The following DENND3 variants were observed in gnomAD, a reference collection of about 807,000 sequenced individuals.
DENND3 encodes DENN domain-containing protein 3.
In DENND3, 88 loss-of-function variants were observed where a neutral mutation model predicts 135.1. That is an observed-to-expected ratio of 0.65 (90% CI 0.55 to 0.78). The LOEUF (loss-of-function observed/expected upper bound fraction) is 0.78, where lower values mean the gene tolerates loss of function less well. DENND3 is among the 30% of genes least tolerant of loss of function. The probability of loss-of-function intolerance (pLI) is 0.00; values close to 1 mark genes in which losing one functional copy is unlikely to be tolerated. For missense variants in DENND3, 1,392 were observed against 1,688.4 expected (o/e 0.82, Z 3.08); for synonymous variants, 693 against 712.3 (o/e 0.97, Z 0.43).
At chr8:141,189,825 G>A (rs1203903265) in intron 19 of DENND3, among the ~76,000 whole-genome samples, 1 of 152,202 alleles carries the variant, frequency 6.6e-6, no homozygotes, top group Non-Finnish European at 1.5e-5. Flanking sequence ...CTCGAGCCCA[G>A]CCCCGCCCAC....
Position 141,192,260 on chromosome 8 carries a change from C to T in DENND3, c.3380-71C>T, listed in dbSNP as rs575224085. On this transcript the variant is annotated intron_variant, in intron 20 of 22. Transcript: ENST00000519811. ...ACCACGCTGGAAAGAGCAGTGAGGC[C>T]GGCTCTGGTGCTGGCGTCTTATGTT... The T allele has an allele frequency of 2.8e-4, 449 of 1,577,986 alleles. 7 individuals carry two copies. The South Asian group carries it at 3.7e-3, about 13-fold the overall frequency.
At chr8:141,158,147 G>A in intron 8 of DENND3, 5 of 1,288,720 alleles carry the variant, frequency 3.9e-6, no homozygotes, top group Non-Finnish European at 5.1e-6. Context: ...GGCAAGGCTG[G>A]TTTCTGCTTG....
At position 141,151,720 on chromosome 8, in the gene DENND3, G is replaced by T. The variant is rs77142252; in HGVS notation, c.957G>T (p.Pro319=). 1.4e-4 allele frequency: 223 copies of T among 1,614,044 alleles called. No homozygotes were observed. Among genetic ancestry groups the T allele is most frequent in the Non-Finnish European group, 1.9e-4 (222 of 1,180,048 alleles). The change falls in exon 7 of 23, where the codon CCG becomes CCT. Residue 319 remains proline, a synonymous_variant. Transcript: ENST00000519811. ...VTECFMAYLY[P]LQWQHPFVPI... ...AGTGCTTCATGGCCTACCTGTATCC[G>T]CTGCAGTGGCAGCACCCCTTCGTGC...
intron 8 of DENND3, chr8:141,158,309 G>T: frequency 7.8e-7 from 1 of 1,277,452 alleles, no homozygotes; most frequent in Non-Finnish European, 1.0e-6. Context: ...CTGCTTCCTT[G>T]ACTTTTAGAG....
Position 141,189,007 on chromosome 8 carries a change from C to A in DENND3, c.3106C>A (p.Gln1036Lys), listed in dbSNP as rs1266482030. The A allele has an allele frequency of 6.2e-7, 1 of 1,613,904 alleles. No individual in the cohort carries two copies. The highest frequency in any genetic ancestry group is 1.1e-5 in the South Asian group (1 of 91,046). Residue 1036 changes from glutamine (Q) to lysine (K), a missense_variant, in exon 19 of 23, where the codon CAG becomes AAG. Gln to Lys is a moderately conservative substitution (Grantham distance 53, BLOSUM62 1). Coordinates refer to ENST00000519811, the MANE Select transcript of DENND3 (RefSeq NM_001352890.3). ...AKVNCMVMAD[Q>K]NQVWVGSEDS... ...TTAGAACTGCATGGTGATGGCCGACCAGAACCAGGTGTGGGTTGGCTCGGA... is the reference window on the plus strand; with the variant it reads ...TTAGAACTGCATGGTGATGGCCGACAAGAACCAGGTGTGGGTTGGCTCGGA...
chr8:141,175,752 T>A lies in DENND3; in HGVS notation c.2535+293T>A, dbSNP rs1272354837. On this transcript the variant is annotated intron_variant, in intron 14 of 22. Coordinates refer to ENST00000519811, the MANE Select transcript of DENND3 (RefSeq NM_001352890.3). The surrounding 1 kb of genome is among the most constrained non-coding windows in gnomAD (Gnocchi z 5.4). ...GGAGGCAGGAAGTAAGAATGTGGGCTGACATTCTCATTAGGGACAGTAGGA... is the reference window on the plus strand; with the variant it reads ...GGAGGCAGGAAGTAAGAATGTGGGCAGACATTCTCATTAGGGACAGTAGGA... 2 of 453,404 alleles carry A rather than the reference T, an allele frequency of 4.4e-6. No homozygotes were observed. The highest frequency in any genetic ancestry group is 8.2e-6 in the Non-Finnish European group (2 of 243,792). The allele number at this position is 453,404 out of a possible 1,614,324, so 28.1% of individuals were successfully genotyped here. A position where few individuals can be genotyped will look rare whatever the true frequency, so the allele number is the denominator to read the frequency against.
In DENND3 at chr8:141,185,216, G is replaced by A. The variant is rs1328813200; in HGVS notation, c.3022G>A (p.Val1008Met). Reference sequence around the variant, plus strand: ...TGCTCTGAGCGAAGGCAAGGTGACCGTGTTCAATGCTTCTTCATGGACCAT... The same window carrying A: ...TGCTCTGAGCGAAGGCAAGGTGACCATGTTCAATGCTTCTTCATGGACCAT... ...WCALSEGKVT[V>M]FNASSWTIHQ... The change falls in exon 18 of 23, where the codon GTG becomes ATG. Residue 1008 changes from valine to methionine, a missense_variant. Transcript: ENST00000519811. The A allele has an allele frequency of 3.1e-6, 5 of 1,614,212 alleles. No individual in the cohort carries two copies. Among genetic ancestry groups the A allele is most frequent in the East Asian group, 2.2e-5 (1 of 44,890 alleles).
At chr8:141,134,021 A>G (rs1816474444) in intron 1 of DENND3, among the ~76,000 whole-genome samples, 1 of 151,980 alleles carries the variant, frequency 6.6e-6, no homozygotes, top group African/African-American at 2.4e-5. Flanking sequence ...CAGGACTGAG[A>G]AGGGTCTGTA....
chr8:141,143,943 C>G lies in DENND3; in HGVS notation c.624-205C>G, dbSNP rs1397401479. On this transcript the variant is annotated intron_variant, in intron 4 of 22. Transcript: ENST00000519811. ...GGACTTCCCCTTCCAAAATATACCTCCCTTTGTGCCACCTGTCAGGCACTA... is the reference window on the plus strand; with the variant it reads ...GGACTTCCCCTTCCAAAATATACCTGCCTTTGTGCCACCTGTCAGGCACTA... 6 of 504,252 alleles carry G rather than the reference C, an allele frequency of 1.2e-5. No individual in the cohort carries two copies. The Admixed American group carries it at 1.9e-4, about 16-fold the overall frequency. The allele number at this position is 504,252 out of a possible 1,614,324, so 31.2% of individuals were successfully genotyped here. A position where few individuals can be genotyped will look rare whatever the true frequency, so the allele number is the denominator to read the frequency against.
At position 141,138,158 on chromosome 8, in the gene DENND3, C is replaced by A; in HGVS notation, c.501+21C>A. 6.3e-7 allele frequency: 1 copy of A among 1,579,234 alleles called. No individual in the cohort carries two copies. The highest frequency in any genetic ancestry group is 1.8e-5 in the Admixed American group (1 of 55,070). Reference sequence around the variant, plus strand: ...TGCATGTAGGTGGTTCCCGTTACTCCCCTCTGAAATTGGGTTTAGATTTTT... The same window carrying A: ...TGCATGTAGGTGGTTCCCGTTACTCACCTCTGAAATTGGGTTTAGATTTTT... On this transcript the variant is annotated intron_variant, in intron 3 of 22. Transcript: ENST00000519811. This position sits in a 1 kb window ranked among gnomAD's most constrained non-coding sequence, Gnocchi z 4.8.
chr8:141,150,287 T>G, intron 5 of DENND3: 1 of 1,279,490 alleles, frequency 7.8e-7, no homozygotes, highest in South Asian at 1.3e-5. Context: ...CTCCGCCAGG[T>G]CCAGCCGTGT....
At chr8:141,158,434 A>G in intron 8 of DENND3, 3 of 1,153,614 alleles carry the variant, frequency 2.6e-6, no homozygotes, top group Non-Finnish European at 3.3e-6. Context: ...TCCGGAATAG[A>G]AACACACACG....
intron 18 of DENND3, among the ~76,000 whole-genome samples, chr8:141,186,857 G>C (rs867774058): frequency 1.3e-5 from 2 of 152,220 alleles, no homozygotes; most frequent in East Asian, 3.9e-4. Flanking sequence ...GATTTTCCCT[G>C]TTTGCCCGTC....
intron 9 of DENND3, among the ~76,000 whole-genome samples, chr8:141,161,591 G>C (rs1820133653): frequency 6.6e-6 from 1 of 152,160 alleles, no homozygotes; most frequent in Non-Finnish European, 1.5e-5. Flanking sequence ...AAGCCTTTGG[G>C]CTTCTCCCAC....
chr8:141,157,534 G>A (rs1198874755), intron 8 of DENND3: 8 of 985,730 alleles, frequency 8.1e-6, no homozygotes, highest in South Asian at 4.7e-5. Context: ...GCAAACAGCC[G>A]GGCTGTACTT....
intron 13 of DENND3, among the ~76,000 whole-genome samples, chr8:141,171,870 T>G (rs1484655237): frequency 1.4e-5 from 2 of 143,164 alleles, no homozygotes; most frequent in African/African-American, 2.6e-5. Flanking sequence ...TGCACGCTGT[T>G]GGTGTGCATG....
chr8:141,141,346 CA>C lies in DENND3; in HGVS notation c.623+23del, dbSNP rs1817428524. On this transcript the variant is annotated intron_variant, in intron 4 of 22. Coordinates refer to ENST00000519811, the MANE Select transcript of DENND3 (RefSeq NM_001352890.3). This position sits in a 1 kb window ranked among gnomAD's most constrained non-coding sequence, Gnocchi z 5.3. ...CCTGGTGAGCTGGGGCACCGGGGGC[CA>C]GGGGTGGTAGGGGGCAGCTCTTTGT... 1.3e-6 allele frequency: 2 copies of C among 1,586,066 alleles called. No homozygotes were observed. Among genetic ancestry groups the C allele is most frequent in the Non-Finnish European group, 1.7e-6 (2 of 1,168,210 alleles).
At position 141,155,363 on chromosome 8, in the gene DENND3, T is replaced by C. The variant is rs566384221; in HGVS notation, c.1075-486T>C. Among the ~76,000 whole-genome samples, 8 of 152,310 alleles carry C rather than the reference T, an allele frequency of 5.3e-5. No individual in the cohort carries two copies. In the South Asian group the frequency reaches 1.7e-3, roughly 32 times the overall value. On this transcript the variant is annotated intron_variant, in intron 7 of 22. Coordinates refer to ENST00000519811, the MANE Select transcript of DENND3 (RefSeq NM_001352890.3). ...GCTCATGATATATACTAGATTTTTG[T>C]GTAGAAAATATGAGGCTATGTGTGC...
Position 141,155,757 on chromosome 8 carries a change from G to C in DENND3, c.1075-92G>C, listed in dbSNP as rs1819356109. 3 of 1,449,228 alleles carry C rather than the reference G, an allele frequency of 2.1e-6. No individual in the cohort carries two copies. The Admixed American group carries it at 6.9e-5, about 33-fold the overall frequency. The allele number at this position is 1,449,228 out of a possible 1,614,324, so 89.8% of individuals were successfully genotyped here. On this transcript the variant is annotated intron_variant, in intron 7 of 22. Coordinates refer to ENST00000519811, the MANE Select transcript of DENND3 (RefSeq NM_001352890.3). Reference sequence around the variant, plus strand: ...TTTAATTAATGATGACACTGTCTTAGTGAACTCAAAACATATTTATGTGTT... The same window carrying C: ...TTTAATTAATGATGACACTGTCTTACTGAACTCAAAACATATTTATGTGTT...
Sources: gnomAD v4.1 joint callset for allele counts (sites outside exome capture counted in the v4.1 genomes callset) on GRCh38, gnomAD v4.1.1 for gene constraint, Gnocchi (gnomAD v3.1) non-coding constraint, MANE v1.5 for transcripts, NCBI Gene and HGNC (gene_info 2026-07-23, HGNC 2026-07-21) for gene names.